The following VPS8 variants were observed in gnomAD, a reference collection of about 807,000 sequenced individuals.
VPS8 encodes vacuolar protein sorting-associated protein 8 homolog.
In VPS8, 129 loss-of-function variants were observed where a neutral mutation model predicts 216.4. The observed-to-expected ratio is 0.60, with a 90% confidence interval of 0.52 to 0.69. The LOEUF (loss-of-function observed/expected upper bound fraction) is 0.69. VPS8 is among the 30% of genes least tolerant of loss of function. The probability of loss-of-function intolerance (pLI) is 0.00; values close to 1 mark genes in which losing one functional copy is unlikely to be tolerated. For synonymous variants in VPS8, 571 were observed against 565.4 expected, an observed-to-expected ratio of 1.01 and a Z score of -0.14; for missense variants, 1,531 against 1,683.5, an observed-to-expected ratio of 0.91 and a Z score of 1.59.
At chr3:184,825,563 T>G (rs1191955250) in intron 2 of VPS8, among the ~76,000 whole-genome samples, 1 of 152,218 alleles carries the variant, frequency 6.6e-6, no homozygotes, top group African/African-American at 2.4e-5. Flanking sequence ...GATGTTGTTT[T>G]GTCATGTTTA....
chr3:185,045,675 T>C (rs1179434450), intron 46 of VPS8, among the ~76,000 whole-genome samples: 1 of 150,068 alleles, frequency 6.7e-6, no homozygotes, highest in East Asian at 2.0e-4. Context: ...GCTGAGGTAG[T>C]AGAATTGCTT....
At chr3:184,856,880 T>TA (rs1284360104) in intron 14 of VPS8, among the ~76,000 whole-genome samples, 24 of 150,922 alleles carry the variant, frequency 1.6e-4, no homozygotes, top group East Asian at 3.9e-4. Flanking sequence ...ATTCAGCACT[T>TA]AAAAAAAAAC....
chr3:184,913,659 A>C (rs900440276), intron 26 of VPS8, 98 bp downstream of exon 26: 2 of 954,168 alleles, frequency 2.1e-6, no homozygotes, highest in African/African-American at 3.5e-5. Context: ...TAGTACTTTT[A>C]ATTTTGCACA....
chr3:184,906,771 A>G (rs1021010581), intron 25 of VPS8, among the ~76,000 whole-genome samples: 1 of 152,190 alleles, frequency 6.6e-6, no homozygotes, highest in Non-Finnish European at 1.5e-5. Context: ...AGAGGCAGAC[A>G]TTATCTTGTG....
intron 21 of VPS8, among the ~76,000 whole-genome samples, chr3:184,880,807 A>G (rs1435852046): frequency 1.3e-5 from 2 of 152,192 alleles, no homozygotes; most frequent in African/African-American, 4.8e-5. Flanking sequence ...TCCAGTTTCT[A>G]GTCTACATCC....
chr3:184,819,473 T>G (rs1354653628), intron 1 of VPS8, among the ~76,000 whole-genome samples: 2 of 152,228 alleles, frequency 1.3e-5, no homozygotes, highest in Admixed American at 6.5e-5. Context: ...TGGTTCATTA[T>G]CAACCTTTTA....
intron 36 of VPS8, among the ~76,000 whole-genome samples, chr3:184,946,234 A>G (rs1184049261): frequency 2.6e-5 from 4 of 152,218 alleles, no homozygotes; most frequent in Admixed American, 6.5e-5. Context: ...CATAATCCCA[A>G]TCTTGTAGTC....
At chr3:184,980,139 G>A (rs1749954696) in intron 40 of VPS8, among the ~76,000 whole-genome samples, 1 of 152,126 alleles carries the variant, frequency 6.6e-6, no homozygotes, top group Admixed American at 6.5e-5. Flanking sequence ...TCTGGTTTGT[G>A]TGGTTTCTGC....
intron 1 of VPS8, among the ~76,000 whole-genome samples, chr3:184,820,129 G>A (rs1228709994): frequency 2.0e-5 from 3 of 152,078 alleles, no homozygotes; most frequent in Non-Finnish European, 4.4e-5. Context: ...TCCTATTGTT[G>A]CCGTAAATTA....
At chr3:184,986,549 C>G (rs1189842281) in intron 42 of VPS8, among the ~76,000 whole-genome samples, 1 of 152,170 alleles carries the variant, frequency 6.6e-6, no homozygotes, top group Non-Finnish European at 1.5e-5. Flanking sequence ...CCCCTTCCAG[C>G]AGCCATCAGA....
chr3:185,013,250 G>A (rs1042320925), intron 45 of VPS8, among the ~76,000 whole-genome samples: 1 of 152,208 alleles, frequency 6.6e-6, no homozygotes, highest in Non-Finnish European at 1.5e-5. Flanking sequence ...CAGTTTGGGG[G>A]CCAGTTTATG....
intron 34 of VPS8, among the ~76,000 whole-genome samples, chr3:184,933,828 G>A (rs1741137863): frequency 6.6e-6 from 1 of 152,016 alleles, no homozygotes. Context: ...TGTTCCATTG[G>A]TCTGTTTGTC....
chr3:184,966,846 A>G (rs1747491475), intron 39 of VPS8, 133 bp downstream of exon 39: 2 of 543,460 alleles, frequency 3.7e-6, no homozygotes, highest in Non-Finnish European at 5.9e-6. Context: ...TCATTTTAAC[A>G]TGGATCCAAA....
In VPS8 at chr3:184,948,318, C is replaced by T. The variant is rs143623098; in HGVS notation, c.3035+8075C>T. 5.3e-5 allele frequency among the ~76,000 whole-genome samples: 8 copies of T among 151,770 alleles called. No homozygotes were observed. In the East Asian group the frequency reaches 1.5e-3, roughly 29 times the overall value. ...CTACAGGCCAAGAATTCAAGACCAGCCTGGGCAACATAGTAAGACCCCATC... is the reference window on the plus strand; with the variant it reads ...CTACAGGCCAAGAATTCAAGACCAGTCTGGGCAACATAGTAAGACCCCATC... On this transcript the variant is annotated intron_variant, in intron 36 of 47. Transcript: ENST00000625842.
chr3:184,929,502 T>C (rs1184616951), intron 32 of VPS8, 78 bp from the exon 33 acceptor site: 1 of 847,138 alleles, frequency 1.2e-6, no homozygotes, highest in African/African-American at 1.7e-5. Flanking sequence ...CTTTTCCTAA[T>C]ACTAACCTGT....
chr3:184,961,020 A>C (rs183878326), intron 37 of VPS8, among the ~76,000 whole-genome samples: 2 of 152,348 alleles, frequency 1.3e-5, no homozygotes, highest in Admixed American at 6.5e-5. Context: ...CATGATAGGA[A>C]TTCTAACCAA....
At chr3:184,915,588 C>A (rs1737410472) in intron 28 of VPS8, 114 bp downstream of exon 28, 1 of 1,135,908 alleles carries the variant, frequency 8.8e-7, no homozygotes, top group African/African-American at 1.6e-5. Flanking sequence ...GCAGGCAGAT[C>A]ATCTGAGGTC....
intron 45 of VPS8, among the ~76,000 whole-genome samples, chr3:185,023,653 T>C (rs1156964414): frequency 6.6e-6 from 1 of 152,102 alleles, no homozygotes; most frequent in East Asian, 1.9e-4. Context: ...AGCGAAACTC[T>C]GTCTCAAAAA....
intron 8 of VPS8, among the ~76,000 whole-genome samples, chr3:184,847,582 T>C (rs995099587): frequency 1.7e-4 from 26 of 152,192 alleles, no homozygotes; most frequent in African/African-American, 6.3e-4. Flanking sequence ...CAAACAGTGC[T>C]GGGGAAGTTG....
Sources: gnomAD v4.1 joint callset for allele counts (sites outside exome capture counted in the v4.1 genomes callset) on GRCh38, gnomAD v4.1.1 for gene constraint, MANE v1.5 for transcripts, NCBI Gene and HGNC (gene_info 2026-07-23, HGNC 2026-07-21) for gene names.